The following TRAPPC9 variants were observed in gnomAD, a reference collection of about 807,000 sequenced individuals.
TRAPPC9 encodes IKK2 binding protein.
A neutral mutation model predicts 124.0 loss-of-function variants in TRAPPC9; 83 were observed. The observed-to-expected ratio is 0.67, with a 90% CI of 0.56 to 0.80. TRAPPC9 has a LOEUF of 0.80. Ranked by LOEUF, TRAPPC9 falls within the 30% of genes least tolerant of loss-of-function variation. The pLI is 0.00. For missense variants in TRAPPC9, 1,302 were observed against 1,508.3 expected, an observed-to-expected ratio of 0.86 and a Z score of 2.27; for synonymous variants, 638 against 617.5, an observed-to-expected ratio of 1.03 and a Z score of -0.49.
At chr8:140,149,489 A>C (rs1587811332) in intron 17 of TRAPPC9, among the ~76,000 whole-genome samples, 1 of 151,972 alleles carries the variant, frequency 6.6e-6, no homozygotes, top group Non-Finnish European at 1.5e-5. Context: ...GTGTGGTGGC[A>C]CCTGCCTGTA....
chr8:140,066,598 T>C (rs763613926), intron 17 of TRAPPC9, among the ~76,000 whole-genome samples: 23 of 152,374 alleles, frequency 1.5e-4, no homozygotes, highest in Admixed American at 3.3e-4. Context: ...TACTCTAGAC[T>C]ACAATTTGTA....
chr8:140,210,970 C>T (rs971003724), intron 17 of TRAPPC9, among the ~76,000 whole-genome samples: 4 of 152,046 alleles, frequency 2.6e-5, no homozygotes, highest in African/African-American at 9.7e-5. Flanking sequence ...ATTTGTAACA[C>T]AGCTTGATTA....
chr8:139,782,179 A>G (rs1821871949), intron 21 of TRAPPC9, among the ~76,000 whole-genome samples: 1 of 152,206 alleles, frequency 6.6e-6, no homozygotes, highest in Non-Finnish European at 1.5e-5. Context: ...CAGGAGTTTG[A>G]GACTAGCCTG....
intron 17 of TRAPPC9, among the ~76,000 whole-genome samples, chr8:140,126,002 G>C (rs1385430984): frequency 6.6e-6 from 1 of 152,008 alleles, no homozygotes; most frequent in Non-Finnish European, 1.5e-5. Context: ...TCGATCTCTT[G>C]ACTTTGTGAT....
chr8:140,313,445 C>T (rs1012889081), intron 9 of TRAPPC9, among the ~76,000 whole-genome samples: 4 of 152,218 alleles, frequency 2.6e-5, no homozygotes, highest in East Asian at 1.9e-4. Context: ...AAATAACGTA[C>T]ACACTGAGTA....
chr8:140,174,332 T>A (rs1471605034), intron 17 of TRAPPC9, among the ~76,000 whole-genome samples: 2 of 152,072 alleles, frequency 1.3e-5, no homozygotes, highest in Non-Finnish European at 2.9e-5. Context: ...GACACATGTT[T>A]ACCTGTGTAA....
At chr8:140,322,951 A>C (rs193057127) in intron 9 of TRAPPC9, among the ~76,000 whole-genome samples, 1 of 152,320 alleles carries the variant, frequency 6.6e-6, no homozygotes, top group East Asian at 1.9e-4. Flanking sequence ...AATTCTTAGA[A>C]TCTCCAAAGT....
At chr8:140,125,780 A>ACTT (rs2061083903) in intron 17 of TRAPPC9, among the ~76,000 whole-genome samples, 1 of 151,758 alleles carries the variant, frequency 6.6e-6, no homozygotes, top group Admixed American at 6.6e-5. Flanking sequence ...TACTTTAGTG[A>ACTT]GACGGGTTCA....
chr8:139,732,159 C>T lies in TRAPPC9; in HGVS notation c.3099G>A (p.Ala1033=), dbSNP rs528170594. The T allele has an allele frequency of 3.9e-5, 62 of 1,602,832 alleles. No individual in the cohort carries two copies. Among genetic ancestry groups the T allele is most frequent in the Middle Eastern group, 1.9e-4 (1 of 5,354 alleles). ...DGQPCDREAV[A]ACQVGDPVRL... is the part of the protein sequence containing the mutation. ...GCACGGGGTCGCCCACCTGGCAGGC[C>T]GCCACAGCCTCGCGGTCACATGGCT... Residue 1033 remains alanine, a synonymous_variant, in exon 22 of 23, where the codon GCG becomes GCA. Coordinates refer to ENST00000438773, the MANE Select transcript of TRAPPC9 (RefSeq NM_001160372.4).
intron 19 of TRAPPC9, among the ~76,000 whole-genome samples, chr8:139,971,240 G>A (rs1051689976): frequency 2.0e-5 from 3 of 152,040 alleles, no homozygotes; most frequent in Admixed American, 1.3e-4. Flanking sequence ...ACCTGACTTC[G>A]ACCTTGGCTC....
chr8:140,099,067 A>C (rs1563760001), intron 17 of TRAPPC9: 2 of 150,786 alleles, frequency 1.3e-5, no homozygotes, highest in Non-Finnish European at 1.5e-5. Context: ...CACAGGGTAA[A>C]CACGCCCACC....
intron 21 of TRAPPC9, among the ~76,000 whole-genome samples, chr8:139,808,436 G>A (rs1824214232): frequency 1.3e-5 from 2 of 152,220 alleles, no homozygotes; most frequent in South Asian, 4.1e-4. Flanking sequence ...ACTCAAGCCT[G>A]AGCGACAGCG....
rs146983081 is a variant in TRAPPC9 at position 139,940,085 on chromosome 8, C to T, written c.2811-29785G>A. ...AGCTGGACTGGGCCTGCTGGCCACA[C>T]GTCTGGGATTCCCGTCGTTTGGTTG... On this transcript the variant is annotated intron_variant, in intron 19 of 22. Coordinates refer to ENST00000438773, the MANE Select transcript of TRAPPC9 (RefSeq NM_001160372.4). 7.7e-4 allele frequency among the ~76,000 whole-genome samples: 118 copies of T among 152,356 alleles called. No homozygotes were observed. The East Asian group carries it at 0.02, about 26-fold the overall frequency.
chr8:139,901,987 A>C (rs996656681), intron 20 of TRAPPC9, among the ~76,000 whole-genome samples: 1 of 152,206 alleles, frequency 6.6e-6, no homozygotes, highest in African/African-American at 2.4e-5. Flanking sequence ...TTTAGCTGTT[A>C]CTTAAGCTCT....
At chr8:140,156,697 G>GA (rs1053816511) in intron 17 of TRAPPC9, among the ~76,000 whole-genome samples, 4 of 152,168 alleles carry the variant, frequency 2.6e-5, no homozygotes, top group African/African-American at 7.2e-5. Flanking sequence ...GAGAGATGAA[G>GA]AAAAATCGTC....
intron 20 of TRAPPC9, among the ~76,000 whole-genome samples, chr8:139,903,207 C>T (rs1488169702): frequency 3.3e-5 from 5 of 152,194 alleles, no homozygotes; most frequent in Non-Finnish European, 7.3e-5. Context: ...CCGCATTTCA[C>T]AGATATTCCA....
intron 19 of TRAPPC9, among the ~76,000 whole-genome samples, chr8:139,940,084 ACGTCTGGGATTCC>A (rs1833810318): frequency 1.3e-5 from 2 of 152,214 alleles, no homozygotes; most frequent in African/African-American, 4.8e-5. Context: ...TGCTGGCCAC[ACGTCTGGGATTCC>A]CGTCGTTTGG....
chr8:140,030,720 C>T (rs980116537), intron 17 of TRAPPC9, among the ~76,000 whole-genome samples: 2 of 152,122 alleles, frequency 1.3e-5, no homozygotes, highest in Non-Finnish European at 2.9e-5. Context: ...ATGGAAGAAT[C>T]CAAAACCCCT....
At chr8:139,756,343 G>A (rs1473989880) in intron 21 of TRAPPC9, among the ~76,000 whole-genome samples, 5 of 145,720 alleles carry the variant, frequency 3.4e-5, no homozygotes, top group Non-Finnish European at 6.0e-5. Flanking sequence ...TGTCGCAGGA[G>A]GAGCCAGGGT....
Sources: allele counts gnomAD v4.1 joint callset (sites outside exome capture counted in the v4.1 genomes callset), GRCh38; gene constraint gnomAD v4.1.1; transcripts MANE v1.5; gene names NCBI Gene and HGNC (gene_info 2026-07-23, HGNC 2026-07-21).